SLCO3A1: variants seen among roughly 807,000 people sequenced by gnomAD.
SLCO3A1 encodes the protein solute carrier organic anion transporter family member 3A1, also known as PGE1 transporter.
A neutral mutation model predicts 63.1 loss-of-function variants in SLCO3A1; 27 were observed. The ratio of observed to expected loss-of-function variants is 0.43; its 90% CI spans 0.32 to 0.59. The LOEUF is 0.59. Ranked by LOEUF, SLCO3A1 falls within the 20% of genes least tolerant of loss-of-function variation. The pLI, the probability that SLCO3A1 is intolerant of heterozygous loss-of-function variation, is 0.09. For synonymous variants in SLCO3A1, 473 were observed against 409.9 expected (o/e 1.15, Z -1.86); for missense variants, 773 against 945.8 (o/e 0.82, Z 2.40).
chr15:91,938,967 C>A (rs548930181), intron 2 of SLCO3A1, among the ~76,000 whole-genome samples: 15 of 152,258 alleles, frequency 9.9e-5, no homozygotes, highest in Admixed American at 2.6e-4. Flanking sequence ...GTTGTGCCCC[C>A]CTCTGGGCTC....
At chr15:91,920,000 C>G (rs1898790788) in intron 2 of SLCO3A1, among the ~76,000 whole-genome samples, 1 of 152,144 alleles carries the variant, frequency 6.6e-6, no homozygotes, top group Admixed American at 6.5e-5. Context: ...ATTTCTCTTA[C>G]TATTTCATGA....
chr15:92,080,343 C>T (rs966309036), intron 2 of SLCO3A1, among the ~76,000 whole-genome samples: 2 of 151,480 alleles, frequency 1.3e-5, no homozygotes, highest in East Asian at 3.9e-4. Context: ...AACAGGGTCT[C>T]TGCTTTTCCC....
At position 92,032,986 on chromosome 15, in the gene SLCO3A1, C is replaced by T. The variant is rs540492851; in HGVS notation, c.647-61895C>T. Among the ~76,000 whole-genome samples, 3 of 152,188 alleles carry T rather than the reference C, an allele frequency of 2.0e-5. No individual in the cohort carries two copies. The East Asian group carries it at 5.8e-4, about 29-fold the overall frequency. ...TTTGGACACCTTGATTTTGAGGCAT[C>T]AGGGGAAGTCCATGTCAGTGGATTT... is the stretch of plus-strand genomic sequence containing the variant. On this transcript the variant is annotated intron_variant, in intron 2 of 9. Coordinates refer to ENST00000318445, the MANE Select transcript of SLCO3A1 (RefSeq NM_013272.4).
chr15:92,060,585 C>T (rs1259337009), intron 2 of SLCO3A1, among the ~76,000 whole-genome samples: 3 of 151,918 alleles, frequency 2.0e-5, no homozygotes, highest in African/African-American at 4.8e-5. Context: ...CTGCAACCTC[C>T]GCCTCCGGGG....
rs141496393 is a variant in SLCO3A1 at position 91,874,353 on chromosome 15, A to G, written c.180+20265A>G. ...ACAACGTTGTGCAACTATCACCACC[A>G]TCTACCTCTGGAACTCTTCTTCCCA... On this transcript the variant is annotated intron_variant, in intron 1 of 9. Coordinates refer to ENST00000318445, the MANE Select transcript of SLCO3A1 (RefSeq NM_013272.4). Among the ~76,000 whole-genome samples, 799 of 152,218 alleles carry G rather than the reference A, an allele frequency of 5.2e-3. 6 individuals carry two copies. The highest frequency in any genetic ancestry group is 0.018 in the African/African-American group (747 of 41,522).
In SLCO3A1 at chr15:92,163,524, T is replaced by TTTTAAAAGAAGTTTC; in HGVS notation, c.*390_*404dup. The TTTTAAAAGAAGTTTC allele has an allele frequency of 1.0e-6, 1 of 984,756 alleles. No individual in the cohort carries two copies. The highest frequency in any genetic ancestry group is 1.2e-6 in the Non-Finnish European group (1 of 831,730). 61.0% of individuals were successfully genotyped at this position (984,756 alleles called of 1,614,324 possible). A position where few individuals can be genotyped will look rare whatever the true frequency, so the allele number is the denominator to read the frequency against. ...ATACACATACAAAACAGAAAACATT[T>TTTTAAAAGAAGTTTC]TTTAAAAGAAGTTTCCTAAAATAAA... On this transcript the variant is annotated 3_prime_UTR_variant, in exon 10 of 10. Coordinates refer to ENST00000318445, the MANE Select transcript of SLCO3A1 (RefSeq NM_013272.4).
chr15:92,103,374 T>G (rs899486808), intron 3 of SLCO3A1, among the ~76,000 whole-genome samples: 1 of 152,284 alleles, frequency 6.6e-6, no homozygotes, highest in East Asian at 1.9e-4. Context: ...AGCTGAAGTT[T>G]ATGTTCTTGT....
chr15:92,166,829 C>T (rs575226971), downstream of SLCO3A1, among the ~76,000 whole-genome samples: 1 of 152,294 alleles, frequency 6.6e-6, no homozygotes, highest in African/African-American at 2.4e-5. Flanking sequence ...CCCCGTGTGC[C>T]TGCTGGGCTG....
chr15:91,994,927 A>G (rs933191681), intron 2 of SLCO3A1, among the ~76,000 whole-genome samples: 1 of 152,218 alleles, frequency 6.6e-6, no homozygotes, highest in Non-Finnish European at 1.5e-5. Context: ...ATCGCAGCAC[A>G]GGTACTCACA....
chr15:91,965,719 AGGGTGT>A (rs1900632859), intron 2 of SLCO3A1, among the ~76,000 whole-genome samples: 1 of 131,212 alleles, frequency 7.6e-6, no homozygotes, highest in Admixed American at 7.8e-5. Flanking sequence ...GGCAGCCAGC[AGGGTGT>A]GTGTGTGTGT....
At chr15:92,013,194 C>T (rs957245891) in intron 2 of SLCO3A1, among the ~76,000 whole-genome samples, 5 of 152,188 alleles carry the variant, frequency 3.3e-5, no homozygotes, top group South Asian at 2.1e-4. Flanking sequence ...AGGGCAAGAC[C>T]GGGCCCTTCT....
intron 2 of SLCO3A1, among the ~76,000 whole-genome samples, chr15:92,070,089 G>A (rs1017503517): frequency 6.6e-6 from 1 of 152,222 alleles, no homozygotes; most frequent in Non-Finnish European, 1.5e-5. Context: ...AGAGGCGGAG[G>A]CAGGGTGGAA....
intron 2 of SLCO3A1, among the ~76,000 whole-genome samples, chr15:92,090,160 GA>G (rs1233961398): frequency 6.6e-6 from 1 of 152,140 alleles, no homozygotes; most frequent in Non-Finnish European, 1.5e-5. Context: ...TGTGCATATT[GA>G]TTTCCACACT....
In SLCO3A1 at chr15:92,089,317, C is replaced by T. The variant is rs573119475; in HGVS notation, c.647-5564C>T. ...CTGGGATTACAGGCGTGAGCCACCA[C>T]GCCCAGCCACCCCAGCTTTATTAAA... On this transcript the variant is annotated intron_variant, in intron 2 of 9. Coordinates refer to ENST00000318445, the MANE Select transcript of SLCO3A1 (RefSeq NM_013272.4). 3.2e-3 allele frequency among the ~76,000 whole-genome samples: 483 copies of T among 152,298 alleles called. 6 individuals carry two copies. Among genetic ancestry groups the T allele is most frequent in the African/African-American group, 0.01 (434 of 41,552 alleles).
At chr15:91,881,752 C>T (rs548123532) in intron 1 of SLCO3A1, among the ~76,000 whole-genome samples, 3 of 152,070 alleles carry the variant, frequency 2.0e-5, no homozygotes, top group Admixed American at 6.6e-5. Flanking sequence ...AGCAACATGC[C>T]GAGTCTACCA....
At position 92,094,894 on chromosome 15, in the gene SLCO3A1, G is replaced by A. The variant is rs12594058; in HGVS notation, c.660G>A (p.Thr220=). Residue 220 remains threonine (T), a synonymous_variant, in exon 3 of 10, where the codon ACG becomes ACA. Transcript: ENST00000318445. ...ATCTTCCTTCAGGAATCCTGTTCAC[G>A]ATGCTGGTATTTGGACCAGCCTGCG... The part of the protein sequence containing the change: ...DSSLYIGILF[T]MLVFGPACGF... The A allele has an allele frequency of 1.6e-5, 26 of 1,612,148 alleles. No homozygotes were observed. The highest frequency in any genetic ancestry group is 1.2e-4 in the African/African-American group (9 of 74,942).
At chr15:92,104,696 C>G (rs1163931354) in intron 4 of SLCO3A1, among the ~76,000 whole-genome samples, 154 bp downstream of exon 4, 2 of 152,096 alleles carry the variant, frequency 1.3e-5, no homozygotes, top group Non-Finnish European at 2.9e-5. Flanking sequence ...CAGCCAGGTG[C>G]TTAACTTATT....
At chr15:92,063,813 G>A (rs766926206) in intron 2 of SLCO3A1, among the ~76,000 whole-genome samples, 4 of 152,134 alleles carry the variant, frequency 2.6e-5, no homozygotes, top group Non-Finnish European at 5.9e-5. Context: ...TCGCACCACC[G>A]CACTCCAGCC....
At chr15:92,049,349 T>G (rs1349318418) in intron 2 of SLCO3A1, among the ~76,000 whole-genome samples, 1 of 152,074 alleles carries the variant, frequency 6.6e-6, no homozygotes, top group African/African-American at 2.4e-5. Flanking sequence ...CTCGGGTGAG[T>G]GATTTGCTCA....
Sources: gnomAD v4.1 joint callset for allele counts (sites outside exome capture counted in the v4.1 genomes callset) on GRCh38, gnomAD v4.1.1 for gene constraint, MANE v1.5 for transcripts, NCBI Gene and HGNC (gene_info 2026-07-23, HGNC 2026-07-21) for gene names.